DOCK5: variants seen among roughly 807,000 people sequenced by gnomAD.
The protein encoded by DOCK5 is dedicator of cytokinesis 5.
DOCK5 carries 142 observed loss-of-function variants against 251.8 expected under a neutral mutation model. The observed-to-expected ratio is 0.56, with a 90% CI of 0.49 to 0.65. DOCK5 has a LOEUF of 0.65. DOCK5 is among the 30% of genes least tolerant of loss of function. The pLI is 0.00. For missense variants in DOCK5, 2,111 were observed against 2,312.3 expected (o/e 0.91, Z 1.79); for synonymous variants, 842 against 835.5 (o/e 1.01, Z -0.13).
chr8:25,383,856 A>AAAAT (rs1166714851), intron 40 of DOCK5, among the ~76,000 whole-genome samples: 9 of 152,328 alleles, frequency 5.9e-5, no homozygotes, highest in Admixed American at 4.6e-4. Context: ...CTCCATCTCA[A>AAAAT]AAATAAATAA....
chr8:25,336,582 G>T (rs1178255019), intron 22 of DOCK5, among the ~76,000 whole-genome samples: 1 of 152,170 alleles, frequency 6.6e-6, no homozygotes, highest in East Asian at 1.9e-4. Context: ...AAATTCTGGG[G>T]CAGTAATGAC....
chr8:25,366,626 C>T (rs994026285), intron 30 of DOCK5, among the ~76,000 whole-genome samples: 1 of 152,180 alleles, frequency 6.6e-6, no homozygotes, highest in Non-Finnish European at 1.5e-5. Flanking sequence ...CACTTCTTGG[C>T]AGCAGTTTTC....
At chr8:25,232,113 G>A (rs1231451707) in intron 1 of DOCK5, among the ~76,000 whole-genome samples, 1 of 152,064 alleles carries the variant, frequency 6.6e-6, no homozygotes, top group Non-Finnish European at 1.5e-5. Flanking sequence ...AAATTAATTA[G>A]GACTTGTTCT....
rs778552532 is a variant in DOCK5 at position 25,368,656 on chromosome 8, C to G, written c.3369C>G (p.Ala1123=). 1.9e-6 allele frequency: 3 copies of G among 1,613,912 alleles called. No homozygotes were observed. In the Admixed American group the frequency reaches 5.0e-5, roughly 27 times the overall value. The change falls in exon 33 of 52, where the codon GCC becomes GCG. Residue 1123 remains alanine (A), a synonymous_variant. Coordinates refer to ENST00000276440, the MANE Select transcript of DOCK5 (RefSeq NM_024940.8). ...TLTPEVELRK[A]TIPIFFDMMQ... is the part of the protein sequence containing the mutation. ...CCCCTGAAGTAGAGCTCCGGAAAGC[C>G]ACAATCCCCATTTTCTTTGATATGA...
At chr8:25,344,085 G>A (rs902214472) in intron 25 of DOCK5, among the ~76,000 whole-genome samples, 1 of 152,158 alleles carries the variant, frequency 6.6e-6, no homozygotes, top group Non-Finnish European at 1.5e-5. Context: ...TGGGATTATA[G>A]GCATGAGCCA....
chr8:25,209,933 A>G (rs1802082932), intron 1 of DOCK5, among the ~76,000 whole-genome samples: 1 of 61,554 alleles, frequency 1.6e-5, no homozygotes, highest in East Asian at 3.4e-4. Flanking sequence ...CCTAGAGTGC[A>G]GTGGCGCCAT....
At chr8:25,390,491 C>T (rs1225589953) in intron 42 of DOCK5, among the ~76,000 whole-genome samples, 2 of 152,136 alleles carry the variant, frequency 1.3e-5, no homozygotes, top group Admixed American at 1.3e-4. Context: ...TGGAGTACAT[C>T]AAAACCAAAG....
intron 14 of DOCK5, among the ~76,000 whole-genome samples, chr8:25,317,953 A>G (rs928641389): frequency 1.3e-5 from 2 of 152,054 alleles, no homozygotes; most frequent in African/African-American, 2.4e-5. Flanking sequence ...AGAAACTTTA[A>G]AAGGATGAGT....
intron 51 of DOCK5, 24 bp downstream of exon 51, chr8:25,410,226 TG>T (rs1175668915): frequency 3.7e-6 from 6 of 1,604,212 alleles, no homozygotes; most frequent in Non-Finnish European, 5.1e-6. Context: ...AGCTGGCAAC[TG>T]TGGCCAGGGA....
intron 13 of DOCK5, among the ~76,000 whole-genome samples, chr8:25,312,423 T>G (rs1376668407): frequency 1.3e-5 from 2 of 152,132 alleles, no homozygotes; most frequent in African/African-American, 4.8e-5. Flanking sequence ...TTTAAGTCAA[T>G]AGGATTGGTT....
rs537481553 is a variant in DOCK5 at position 25,294,036 on chromosome 8, G to A, written c.470+1864G>A. Among the ~76,000 whole-genome samples, 3 of 152,166 alleles carry A rather than the reference G, an allele frequency of 2.0e-5. No individual in the cohort carries two copies. The South Asian group carries it at 6.2e-4, about 32-fold the overall frequency. ...TTAATTAATTAATAAAAGGCCAATT[G>A]GGTAGGATAAGGAAACTCCATTGCA... is the stretch of plus-strand genomic sequence containing the variant. On this transcript the variant is annotated intron_variant, in intron 6 of 51. Coordinates refer to ENST00000276440, the MANE Select transcript of DOCK5 (RefSeq NM_024940.8).
intron 1 of DOCK5, among the ~76,000 whole-genome samples, chr8:25,226,552 G>A (rs7813864): frequency 0.085 from 12,913 of 151,064 alleles, 1,495 homozygotes; most frequent in African/African-American, 0.27. Flanking sequence ...CATGCCTGAC[G>A]TTACCCATGT....
chr8:25,324,953 A>G (rs948764246), intron 17 of DOCK5, among the ~76,000 whole-genome samples: 2 of 151,926 alleles, frequency 1.3e-5, no homozygotes, highest in Non-Finnish European at 2.9e-5. Flanking sequence ...AGCTTCATCC[A>G]TGTCCCTACA....
intron 45 of DOCK5, among the ~76,000 whole-genome samples, chr8:25,396,434 C>G (rs1030811792): frequency 3.3e-5 from 5 of 152,060 alleles, no homozygotes; most frequent in African/African-American, 1.2e-4. Context: ...GGCCCTGACT[C>G]TACAATTAAA....
chr8:25,251,947 C>T (rs367943930), intron 2 of DOCK5, among the ~76,000 whole-genome samples: 1 of 150,192 alleles, frequency 6.7e-6, no homozygotes, highest in Admixed American at 6.7e-5. Flanking sequence ...TGAGATCACG[C>T]GTGCCATTGC....
At chr8:25,296,295 T>G (rs1804613210) in intron 6 of DOCK5, among the ~76,000 whole-genome samples, 1 of 152,188 alleles carries the variant, frequency 6.6e-6, no homozygotes, top group Non-Finnish European at 1.5e-5. Context: ...TATTTGCATA[T>G]CCTTCTACGA....
Position 25,325,417 on chromosome 8 carries a change from C to T in DOCK5, c.1773C>T (p.Thr591=), listed in dbSNP as rs116498207. The T allele has an allele frequency of 3.1e-4, 499 of 1,613,924 alleles. No homozygotes were observed. The African/African-American group carries it at 6.1e-3, about 20-fold the overall frequency. The change falls in exon 18 of 52, where the codon ACC becomes ACT. Residue 591 remains threonine, a synonymous_variant. Transcript: ENST00000276440. ...DAKFYLTLPG[T]KMEMEEKELQ... ...AATTCTACCTGACCCTGCCTGGAAC[C>T]AAGATGGAGATGGAAGAAAAAGAGC...
intron 42 of DOCK5, 94 bp from the exon 43 acceptor site, chr8:25,391,802 G>T: frequency 9.1e-7 from 1 of 1,095,578 alleles, no homozygotes; most frequent in South Asian, 1.5e-5. Flanking sequence ...GTAAAACTCA[G>T]ACCAGGCAGA....
intron 1 of DOCK5, among the ~76,000 whole-genome samples, chr8:25,185,847 A>G (rs761331640): frequency 3.3e-5 from 5 of 152,172 alleles, no homozygotes; most frequent in Admixed American, 6.5e-5. Context: ...TTGGCTTTTT[A>G]TCAAGGATTG....
Sources: gnomAD v4.1 joint callset for allele counts (sites outside exome capture counted in the v4.1 genomes callset) on GRCh38, gnomAD v4.1.1 for gene constraint, MANE v1.5 for transcripts, NCBI Gene and HGNC (gene_info 2026-07-23, HGNC 2026-07-21) for gene names.